RBFOX1: variants seen among roughly 807,000 people sequenced by gnomAD.
RBFOX1 encodes RNA binding protein fox-1 homolog 1.
Under a neutral mutation model 57.7 loss-of-function variants are expected in RBFOX1, and 8 were observed. The observed-to-expected ratio is 0.14, with a 90% confidence interval of 0.08 to 0.25. The LOEUF (loss-of-function observed/expected upper bound fraction) is 0.25. RBFOX1 is among the 10% of genes least tolerant of loss of function. RBFOX1 has a pLI of 1.00. For synonymous variants in RBFOX1, 326 were observed against 222.4 expected, an observed-to-expected ratio of 1.47 and a Z score of -4.15; for missense variants, 611 against 548.5, an observed-to-expected ratio of 1.11 and a Z score of -1.14.
chr16:7,546,014 TAAAAA>T (rs71150312), intron 5 of RBFOX1, among the ~76,000 whole-genome samples: 6 of 134,142 alleles, frequency 4.5e-5, no homozygotes, highest in South Asian at 2.4e-4. Flanking sequence ...TCTGAGCTTA[TAAAAA>T]AAAAAAAAAA....
intron 3 of RBFOX1, among the ~76,000 whole-genome samples, chr16:6,858,954 C>T (rs892838447): frequency 1.3e-5 from 2 of 151,256 alleles, no homozygotes; most frequent in African/African-American, 4.9e-5. Context: ...CACTGTCAAT[C>T]AAAGGTAGGT....
chr16:6,111,289 T>C (rs918267959), intron 1 of RBFOX1, among the ~76,000 whole-genome samples: 3 of 152,200 alleles, frequency 2.0e-5, no homozygotes, highest in African/African-American at 7.2e-5. Flanking sequence ...ATATCAGCCT[T>C]GTGACAACCA....
In RBFOX1 at chr16:6,068,679, C is replaced by G. The variant is rs150126726; in HGVS notation, c.-127+48687C>G. On this transcript the variant is annotated intron_variant, in intron 1 of 15. Coordinates refer to ENST00000550418, the MANE Select transcript of RBFOX1 (RefSeq NM_018723.4). ...ATTTACTGAGGCTGCAGAGGAAGGT[C>G]TTCAGGACTCAGATCTTATAGATGA... 7.2e-5 allele frequency among the ~76,000 whole-genome samples: 11 copies of G among 152,294 alleles called. No homozygotes were observed. In the East Asian group the frequency reaches 2.1e-3, roughly 29 times the overall value.
chr16:6,359,980 GTTAA>G (rs1339921965), intron 2 of RBFOX1, among the ~76,000 whole-genome samples: 2 of 152,118 alleles, frequency 1.3e-5, no homozygotes, highest in African/African-American at 2.4e-5. Context: ...TCTTTTAATT[GTTAA>G]TTAGAGAATG....
At chr16:6,532,285 T>C (rs979966746) in intron 2 of RBFOX1, among the ~76,000 whole-genome samples, 1 of 152,116 alleles carries the variant, frequency 6.6e-6, no homozygotes, top group African/African-American at 2.4e-5. Flanking sequence ...TTGGGTACTC[T>C]TAGGAAAAGG....
At chr16:6,973,021 C>G (rs1192252108) in intron 3 of RBFOX1, among the ~76,000 whole-genome samples, 1 of 152,110 alleles carries the variant, frequency 6.6e-6, no homozygotes, top group Non-Finnish European at 1.5e-5. Flanking sequence ...ATCCCAGCTA[C>G]TTGGGAGGCT....
At chr16:7,392,617 G>A (rs753214680) in intron 4 of RBFOX1, among the ~76,000 whole-genome samples, 46 of 152,172 alleles carry the variant, frequency 3.0e-4, no homozygotes, top group Middle Eastern at 3.2e-3. Context: ...TAGAGTCAGA[G>A]CCACTTTCTC....
chr16:5,309,830 C>T (rs74003865), intron 1 of RBFOX1, among the ~76,000 whole-genome samples: 1 of 152,298 alleles, frequency 6.6e-6, no homozygotes, highest in Non-Finnish European at 1.5e-5. Flanking sequence ...CACAGTTCAT[C>T]TGACCCTCAA....
intron 1 of RBFOX1, among the ~76,000 whole-genome samples, chr16:6,165,144 A>G (rs1367357017): frequency 1.3e-5 from 2 of 151,948 alleles, no homozygotes; most frequent in Non-Finnish European, 2.9e-5. Context: ...CAGCTTTGGC[A>G]GTTTTTAAGT....
At chr16:6,172,891 A>G (rs1360542974) in intron 1 of RBFOX1, among the ~76,000 whole-genome samples, 1 of 152,234 alleles carries the variant, frequency 6.6e-6, no homozygotes, top group Non-Finnish European at 1.5e-5. Flanking sequence ...CAGTGCGGGC[A>G]GAGCTGCACT....
chr16:7,456,222 C>G lies in RBFOX1; in HGVS notation c.28-61925C>G, dbSNP rs565656046. On this transcript the variant is annotated intron_variant, in intron 4 of 15. Coordinates refer to ENST00000550418, the MANE Select transcript of RBFOX1 (RefSeq NM_018723.4). ...CACAGCATCCATCCCTTTAACAGTTCCTCCACGTTAGGACCCTCCTCTCAA... is the reference window on the plus strand; with the variant it reads ...CACAGCATCCATCCCTTTAACAGTTGCTCCACGTTAGGACCCTCCTCTCAA... Among the ~76,000 whole-genome samples, 11 of 152,284 alleles carry G rather than the reference C, an allele frequency of 7.2e-5. No homozygotes were observed. In the East Asian group the frequency reaches 2.1e-3, roughly 29 times the overall value.
intron 2 of RBFOX1, among the ~76,000 whole-genome samples, chr16:6,502,706 C>G (rs1170441238): frequency 1.3e-5 from 2 of 152,070 alleles, no homozygotes; most frequent in Admixed American, 6.6e-5. Flanking sequence ...TTTGCCATTA[C>G]CACCGGACCC....
chr16:6,082,127 G>A (rs1435653245), intron 1 of RBFOX1, among the ~76,000 whole-genome samples: 3 of 149,926 alleles, frequency 2.0e-5, no homozygotes, highest in African/African-American at 4.9e-5. Context: ...GGGAACCAAT[G>A]AGAAATTTAA....
At chr16:6,033,171 C>A (rs949065289) in intron 1 of RBFOX1, among the ~76,000 whole-genome samples, 1 of 152,122 alleles carries the variant, frequency 6.6e-6, no homozygotes, top group African/African-American at 2.4e-5. Flanking sequence ...AAATGAGGGC[C>A]TCTATACAGG....
chr16:5,663,682 G>T (rs2049734528), intron 3 of RBFOX1, among the ~76,000 whole-genome samples: 1 of 152,198 alleles, frequency 6.6e-6, no homozygotes, highest in Non-Finnish European at 1.5e-5. Context: ...CCATGCTGAG[G>T]ACTGCAGGAA....
At chr16:6,037,262 C>A (rs1023530217) in intron 1 of RBFOX1, 5 of 151,988 alleles carry the variant, frequency 3.3e-5, no homozygotes, top group Non-Finnish European at 7.4e-5. Flanking sequence ...GAATTGAGTC[C>A]CGCTTAACAA....
At chr16:7,046,374 C>T (rs2047951397) in intron 3 of RBFOX1, among the ~76,000 whole-genome samples, 1 of 152,092 alleles carries the variant, frequency 6.6e-6, no homozygotes, top group African/African-American at 2.4e-5. Flanking sequence ...TCTCAGTCTA[C>T]AAGACTCAGT....
chr16:6,605,902 C>G (rs557156708), intron 2 of RBFOX1, among the ~76,000 whole-genome samples: 2 of 152,038 alleles, frequency 1.3e-5, no homozygotes, highest in Non-Finnish European at 2.9e-5. Context: ...GAGTTCGAGA[C>G]CAGCCTGGCC....
intron 1 of RBFOX1, chr16:5,366,319 ATGATGATGATTT>A (rs2065714383): frequency 5.5e-6 from 2 of 363,830 alleles, no homozygotes. Flanking sequence ...GAAGATGATG[ATGATGATGATTT>A]TGATGATGAT....
Sources: allele counts gnomAD v4.1 joint callset (sites outside exome capture counted in the v4.1 genomes callset), GRCh38; gene constraint gnomAD v4.1.1; transcripts MANE v1.5; gene names NCBI Gene and HGNC (gene_info 2026-07-23, HGNC 2026-07-21).